CCDC30: variants seen among roughly 807,000 people sequenced by gnomAD.
The protein encoded by CCDC30 is coiled-coil domain-containing protein 30.
A neutral mutation model predicts 100.2 loss-of-function variants in CCDC30; 70 were observed. That is an observed-to-expected ratio of 0.70 (90% CI 0.58 to 0.85). The LOEUF is 0.85. CCDC30 is among the 40% of genes least tolerant of loss of function. The pLI is 0.00. For missense variants in CCDC30, 652 were observed against 771.2 expected, an observed-to-expected ratio of 0.85 and a Z score of 1.83; for synonymous variants, 233 against 269.5, an observed-to-expected ratio of 0.86 and a Z score of 1.33.
intron 6 of CCDC30, among the ~76,000 whole-genome samples, chr1:42,554,241 C>A (rs1021221908): frequency 8.0e-5 from 12 of 149,592 alleles, no homozygotes; most frequent in Admixed American, 4.0e-4. Context: ...CATTCATATG[C>A]AATTATTCAA....
chr1:42,479,644 C>T (rs770837406), intron 1 of CCDC30, among the ~76,000 whole-genome samples: 1 of 150,680 alleles, frequency 6.6e-6, no homozygotes, highest in Non-Finnish European at 1.5e-5. Flanking sequence ...CTCTAAATAC[C>T]ACAAGATGGC....
chr1:42,488,109 G>A (rs1489294320), intron 3 of CCDC30, among the ~76,000 whole-genome samples: 2 of 152,006 alleles, frequency 1.3e-5, no homozygotes, highest in South Asian at 2.1e-4. Flanking sequence ...CTCTGCCCTA[G>A]CTACTTTTGT....
chr1:42,655,700 C>G (rs1648634304), downstream of CCDC30, among the ~76,000 whole-genome samples: 1 of 151,966 alleles, frequency 6.6e-6, no homozygotes, highest in African/African-American at 2.4e-5. Flanking sequence ...AGTAGGTGAA[C>G]AGTCTCCAGC....
At chr1:42,517,239 A>C (rs1644568567) in intron 6 of CCDC30, among the ~76,000 whole-genome samples, 2 of 152,118 alleles carry the variant, frequency 1.3e-5, no homozygotes, top group African/African-American at 4.8e-5. Flanking sequence ...AAATGCCACC[A>C]TGCCTAGCTA....
intron 6 of CCDC30, among the ~76,000 whole-genome samples, chr1:42,510,350 G>C (rs534969786): frequency 6.6e-6 from 1 of 152,238 alleles, no homozygotes; most frequent in East Asian, 1.9e-4. Context: ...CTTTGTGAGA[G>C]GTTAAACACT....
At chr1:42,506,030 G>A (rs1644389897) in intron 6 of CCDC30, among the ~76,000 whole-genome samples, 1 of 152,154 alleles carries the variant, frequency 6.6e-6, no homozygotes, top group South Asian at 2.1e-4. Flanking sequence ...CATAAGTTAA[G>A]AATACGTTTC....
intron 11 of CCDC30, among the ~76,000 whole-genome samples, chr1:42,621,543 G>C (rs901123009): frequency 2.1e-5 from 3 of 141,884 alleles, no homozygotes; most frequent in African/African-American, 7.6e-5. Context: ...ATGGACTCTC[G>C]CTCTGTGGTC....
chr1:42,654,759 C>T (rs1648608431), downstream of CCDC30: 1 of 149,080 alleles, frequency 6.7e-6, no homozygotes, highest in Non-Finnish European at 1.5e-5. Flanking sequence ...GTCACCCAGG[C>T]TGAAGTGCAG....
chr1:42,625,619 G>C (rs992536251), intron 11 of CCDC30, among the ~76,000 whole-genome samples: 7 of 151,898 alleles, frequency 4.6e-5, no homozygotes, highest in African/African-American at 1.7e-4. Context: ...TGGCCCACTG[G>C]TCATTCAGGA....
At chr1:42,589,419 C>T in exon 10 of CCDC30, 2 of 1,613,706 alleles carry the variant, frequency 1.2e-6, no homozygotes, top group South Asian at 1.1e-5. Context: ...CAGCAACAAT[C>T]CAGAATTCAG....
At chr1:42,493,624 C>T (rs771990260) in intron 4 of CCDC30, among the ~76,000 whole-genome samples, 6 of 151,772 alleles carry the variant, frequency 4.0e-5, no homozygotes, top group Non-Finnish European at 8.8e-5. Flanking sequence ...AAGACAGAAC[C>T]GCAATAGAGT....
intron 6 of CCDC30, among the ~76,000 whole-genome samples, chr1:42,559,370 C>A (rs1398763141): frequency 6.6e-6 from 1 of 152,084 alleles, no homozygotes; most frequent in African/African-American, 2.4e-5. Context: ...GGAGTCAAGA[C>A]CCATTGGTGT....
At chr1:42,544,270 A>G (rs1396355962) in intron 6 of CCDC30, among the ~76,000 whole-genome samples, 2 of 152,226 alleles carry the variant, frequency 1.3e-5, no homozygotes, top group Non-Finnish European at 2.9e-5. Context: ...TTATATGAAG[A>G]TATAGAGTAA....
intron 11 of CCDC30, among the ~76,000 whole-genome samples, chr1:42,621,870 C>A (rs893400373): frequency 3.9e-5 from 6 of 152,028 alleles, no homozygotes; most frequent in Non-Finnish European, 7.4e-5. Context: ...TGGTCTCGAA[C>A]CTGTGTGCTC....
chr1:42,505,090 A>G (rs986839541), intron 6 of CCDC30, among the ~76,000 whole-genome samples: 2 of 152,226 alleles, frequency 1.3e-5, no homozygotes, highest in Non-Finnish European at 2.9e-5. Flanking sequence ...CAAATAGTAG[A>G]GTGTGTGTAG....
At chr1:42,484,132 A>AT (rs572144274) in intron 3 of CCDC30, among the ~76,000 whole-genome samples, 1,780 of 147,256 alleles carry the variant, frequency 0.012, 27 homozygotes, top group African/African-American at 0.045. Context: ...ACAAATAATA[A>AT]TAAAAAAAAG....
chr1:42,587,960 G>T (rs181959841), intron 9 of CCDC30, among the ~76,000 whole-genome samples: 119 of 152,328 alleles, frequency 7.8e-4, no homozygotes, highest in Admixed American at 2.1e-3. Flanking sequence ...GGGTGCCGCA[G>T]TTGAGGAGAA....
chr1:42,592,858 C>T (rs1278941142), intron 10 of CCDC30: 1 of 152,296 alleles, frequency 6.6e-6, no homozygotes, highest in Non-Finnish European at 1.5e-5. Context: ...GAGGCCCTCA[C>T]CAGAAGCTGA....
intron 1 of CCDC30, among the ~76,000 whole-genome samples, chr1:42,467,999 G>A (rs935386536): frequency 6.6e-6 from 1 of 152,352 alleles, no homozygotes; most frequent in South Asian, 2.1e-4. Context: ...GGGAAGCTCA[G>A]AGACAGAAGA....
Sources: gnomAD v4.1 joint callset for allele counts (sites outside exome capture counted in the v4.1 genomes callset) on GRCh38, gnomAD v4.1.1 for gene constraint, MANE v1.5 for transcripts, NCBI Gene and HGNC (gene_info 2026-07-23, HGNC 2026-07-21) for gene names.